UBR4: variants seen among roughly 807,000 people sequenced by gnomAD.
UBR4 encodes E3 ubiquitin-protein ligase UBR4.
Under a neutral mutation model 575.6 loss-of-function variants are expected in UBR4, and 124 were observed. The ratio of observed to expected loss-of-function variants is 0.22; its 90% confidence interval spans 0.19 to 0.25. The LOEUF is 0.25. Ranked by LOEUF, UBR4 falls within the 10% of genes least tolerant of loss-of-function variation. The pLI, the probability that UBR4 is intolerant of heterozygous loss-of-function variation, is 1.00. For synonymous variants in UBR4, 2,455 were observed against 2,473.7 expected, an observed-to-expected ratio of 0.99 and a Z score of 0.22; for missense variants, 4,818 against 6,478.8, an observed-to-expected ratio of 0.74 and a Z score of 8.80.
intron 50 of UBR4, among the ~76,000 whole-genome samples, 174 bp from the exon 51 acceptor site, chr1:19,148,301 G>T (rs2085152877): frequency 1.3e-5 from 2 of 151,958 alleles, no homozygotes; most frequent in Non-Finnish European, 1.5e-5. Context: ...CTTCTTACCA[G>T]AGGAAGACAT....
rs1018671866 is a variant in UBR4, at chr1:19,168,524, A to G, written c.3742-340T>C. On this transcript the variant is annotated intron_variant, in intron 27 of 105. Transcript: ENST00000375254. Reference sequence around the variant, plus strand: ...GGATTTTGCAATGCATCTGGTCTCTATTAAAGTTCTGGGTGGTGTAAACAG... The same window carrying G: ...GGATTTTGCAATGCATCTGGTCTCTGTTAAAGTTCTGGGTGGTGTAAACAG... 2.6e-5 allele frequency among the ~76,000 whole-genome samples: 4 copies of G among 152,228 alleles called. No homozygotes were observed. In the East Asian group the frequency reaches 5.8e-4, roughly 22 times the overall value.
intron 102 of UBR4, among the ~76,000 whole-genome samples, chr1:19,083,159 G>A (rs543654539): frequency 3.3e-5 from 5 of 152,218 alleles, no homozygotes; most frequent in South Asian, 2.1e-4. Context: ...GAGAAGGAGC[G>A]AAATTTGGAC....
At chr1:19,142,391 A>C (rs2084045438) in intron 55 of UBR4, among the ~76,000 whole-genome samples, 1 of 152,200 alleles carries the variant, frequency 6.6e-6, no homozygotes, top group South Asian at 2.1e-4. Context: ...TTGTCAGAAG[A>C]GGATAGAGAC....
chr1:19,162,403 G>C lies in UBR4; in HGVS notation c.4956+17C>G. On this transcript the variant is annotated intron_variant, in intron 35 of 105. Coordinates refer to ENST00000375254, the MANE Select transcript of UBR4 (RefSeq NM_020765.3). Reference sequence around the variant, plus strand: ...CATTACCTTGAGAGGTTAACTTCGAGGTTACTTAGTACTTACTGAATCCTC... The same window carrying C: ...CATTACCTTGAGAGGTTAACTTCGACGTTACTTAGTACTTACTGAATCCTC... The C allele has an allele frequency of 6.2e-7, 1 of 1,604,324 alleles. No individual in the cohort carries two copies. The highest frequency in any genetic ancestry group is 8.5e-7 in the Non-Finnish European group (1 of 1,175,312).
chr1:19,084,664 G>C lies in UBR4; in HGVS notation c.14848C>G (p.Arg4950Gly). ...NTYLQECTGQ[R>G]EPTYQLNIHD... ...ATGTTGAGCTGATACGTGGGCTCCC[G>C]CTGGCCTGTACATTCCTGGAGGTAA... The change falls in exon 102 of 106, where the codon CGG (arginine) becomes GGG (glycine). Residue 4950 changes from arginine to glycine, a missense_variant. Transcript: ENST00000375254. The C allele has an allele frequency of 6.2e-7, 1 of 1,613,662 alleles. No individual in the cohort carries two copies. The highest frequency in any genetic ancestry group is 8.5e-7 in the Non-Finnish European group (1 of 1,179,774).
intron 77 of UBR4, 58 bp from the exon 78 acceptor site, chr1:19,112,925 T>TAA: frequency 1.3e-6 from 2 of 1,495,734 alleles, no homozygotes; most frequent in Non-Finnish European, 1.8e-6. Context: ...AAGAGGATGT[T>TAA]AATTAGAAAA....
intron 1 of UBR4, among the ~76,000 whole-genome samples, chr1:19,208,515 T>C (rs2093133948): frequency 6.6e-6 from 1 of 150,780 alleles, no homozygotes. Flanking sequence ...AATAAATGCG[T>C]TACCAAAGAC....
intron 104 of UBR4, among the ~76,000 whole-genome samples, chr1:19,077,233 G>A (rs1480103024): frequency 6.6e-6 from 1 of 152,204 alleles, no homozygotes; most frequent in Admixed American, 6.5e-5. Flanking sequence ...TCATTCCGAT[G>A]ATGAAAGGAA....
chr1:19,141,983 C>T (rs1225978937), intron 55 of UBR4, among the ~76,000 whole-genome samples: 1 of 152,228 alleles, frequency 6.6e-6, no homozygotes, highest in African/African-American at 2.4e-5. Context: ...TTGGCTGCGA[C>T]AGCTTGCCCC....
chr1:19,167,060 A>G lies in UBR4; in HGVS notation c.4071T>C (p.Gly1357=). The G allele has an allele frequency of 1.2e-6, 2 of 1,614,208 alleles. No individual in the cohort carries two copies. Among genetic ancestry groups the G allele is most frequent in the Non-Finnish European group, 1.7e-6 (2 of 1,180,028 alleles). ...LARVYEKLIT[G]CYNILANHAD... is the part of the protein sequence containing the mutation. ...CATGATTGGCCAGAATGTTGTAACA[A>G]CCAGTGATCAGCTTCTCATAAACAC... Residue 1357 remains glycine (G), a synonymous_variant, in exon 29 of 106, where the codon GGT becomes GGC. Transcript: ENST00000375254.
chr1:19,197,563 G>A, intron 7 of UBR4, 107 bp downstream of exon 7: 13 of 1,474,228 alleles, frequency 8.8e-6, no homozygotes, highest in African/African-American at 1.4e-5. Context: ...AGGAGACGAG[G>A]TTACAGTGAA....
At chr1:19,173,365 C>A in intron 23 of UBR4, 59 bp from the exon 24 acceptor site, 1 of 1,611,092 alleles carries the variant, frequency 6.2e-7, no homozygotes, top group Non-Finnish European at 8.5e-7. Flanking sequence ...CTTTCATTAT[C>A]TTCAAATTTA....
intron 8 of UBR4, among the ~76,000 whole-genome samples, chr1:19,196,121 C>T (rs773307707): frequency 3.2e-4 from 48 of 152,140 alleles, no homozygotes; most frequent in Non-Finnish European, 6.0e-4. Context: ...TAAGATTCAA[C>T]ATCAGAGCTC....
At position 19,173,433 on chromosome 1, in the gene UBR4, T is replaced by C; in HGVS notation, c.3165+6A>G. 1 of 1,614,158 alleles carries C rather than the reference T, an allele frequency of 6.2e-7. No individual in the cohort carries two copies. The highest frequency in any genetic ancestry group is 8.5e-7 in the Non-Finnish European group (1 of 1,180,000). ...TGAATAGTCTTAGCAGCAAGCTCTG[T>C]GTTACCTTTATCCAGTTGACATAGG... On this transcript the variant is annotated splice_donor_region_variant and intron_variant, in intron 23 of 105. Coordinates refer to ENST00000375254, the MANE Select transcript of UBR4 (RefSeq NM_020765.3).
chr1:19,166,171 C>T (rs1039642166), intron 29 of UBR4, among the ~76,000 whole-genome samples: 9 of 152,196 alleles, frequency 5.9e-5, no homozygotes, highest in Non-Finnish European at 5.9e-5. Flanking sequence ...TACTCAACAA[C>T]GAAGAGACAG....
Position 19,112,507 on chromosome 1 carries a change from A to G in UBR4, c.11801+17T>C, listed in dbSNP as rs752936892. 5 of 1,590,032 alleles carry G rather than the reference A, an allele frequency of 3.1e-6. No individual in the cohort carries two copies. The highest frequency in any genetic ancestry group is 2.3e-5 in the South Asian group (2 of 86,904). Reference sequence around the variant, plus strand: ...AGTAGGAACCACTAGGCCCATAACCATGGTGTAGGTACTGACCGAGTTAGG... The same window carrying G: ...AGTAGGAACCACTAGGCCCATAACCGTGGTGTAGGTACTGACCGAGTTAGG... On this transcript the variant is annotated intron_variant, in intron 78 of 105. Coordinates refer to ENST00000375254, the MANE Select transcript of UBR4 (RefSeq NM_020765.3).
Position 19,084,564 on chromosome 1 carries a change from C to T in UBR4, c.14948G>A (p.Arg4983Gln), listed in dbSNP as rs1202669678. The T allele has an allele frequency of 6.2e-6, 10 of 1,613,986 alleles. No homozygotes were observed. Among genetic ancestry groups the T allele is most frequent in the East Asian group, 2.2e-5 (1 of 44,884 alleles). ...SFSADTGGGG[R>Q]ESNIHLIPYI... is the part of the protein sequence containing the mutation. ...CGGGATCAGGTGGATGTTGCTCTCC[C>T]GGCCGCCCCCGCCAGTGTCTGCGCT... The change falls in exon 102 of 106, where the codon CGG becomes CAG. Residue 4983 changes from arginine to glutamine, a missense_variant. Physicochemically the swap from Arg to Gln is conservative, Grantham distance 43. Around this residue, in one of 29 missense-constraint regions of UBR4, gnomAD observed 196 missense variants for 386.8 expected, o/e 0.51. Coordinates refer to ENST00000375254, the MANE Select transcript of UBR4 (RefSeq NM_020765.3).
rs1426450113 is a variant in UBR4, at chr1:19,174,376, T to A, written c.2925A>T (p.Ala975=). 1.2e-6 allele frequency: 2 copies of A among 1,613,414 alleles called. No homozygotes were observed. Among genetic ancestry groups the A allele is most frequent in the East Asian group, 2.2e-5 (1 of 44,886 alleles). Residue 975 remains alanine (A), a synonymous_variant, in exon 22 of 106, where the codon GCA becomes GCT. Transcript: ENST00000375254. ...TAACTGTATCAAGCTGGGACCCAGC[T>A]GCAAGCAGGGCTGTCAGTGCAGCAT... ...ELYAALTALL[A]AGSQLDTVRR... is the part of the protein sequence containing the mutation.
chr1:19,120,409 G>C, intron 68 of UBR4, 61 bp from the exon 69 acceptor site: 1 of 1,551,576 alleles, frequency 6.4e-7, no homozygotes, highest in Non-Finnish European at 8.8e-7. Flanking sequence ...AGGGTCCTAA[G>C]GCCTGGGCTA....
Sources: gnomAD v4.1 joint callset for allele counts (sites outside exome capture counted in the v4.1 genomes callset) on GRCh38, gnomAD v4.1.1 for gene constraint, gnomAD v4.1.1 regional missense constraint, MANE v1.5 for transcripts, NCBI Gene and HGNC (gene_info 2026-07-23, HGNC 2026-07-21) for gene names.